The following CLSTN2 variants were observed in gnomAD, a reference collection of about 807,000 sequenced individuals.
The protein encoded by CLSTN2 is calsyntenin-2.
A neutral mutation model predicts 101.2 loss-of-function variants in CLSTN2; 48 were observed. The ratio of observed to expected loss-of-function variants is 0.47; its 90% CI spans 0.38 to 0.60. CLSTN2 has a LOEUF of 0.60. CLSTN2 is among the 20% of genes least tolerant of loss of function. CLSTN2 has a pLI of 0.00. For missense variants in CLSTN2, 1,160 were observed against 1,238.2 expected (o/e 0.94, Z 0.95); for synonymous variants, 481 against 463.6 (o/e 1.04, Z -0.48).
chr3:140,451,479 G>GC (rs1344914150), intron 6 of CLSTN2, among the ~76,000 whole-genome samples: 1 of 152,076 alleles, frequency 6.6e-6, no homozygotes, highest in Admixed American at 6.6e-5. Flanking sequence ...CCATGGCACT[G>GC]CCCCCCACAC....
At chr3:140,160,455 C>G (rs1002493413) in intron 1 of CLSTN2, among the ~76,000 whole-genome samples, 4 of 151,988 alleles carry the variant, frequency 2.6e-5, no homozygotes, top group Non-Finnish European at 5.9e-5. Context: ...TTTCACCACC[C>G]AAATGTTTCA....
intron 2 of CLSTN2, among the ~76,000 whole-genome samples, chr3:140,188,457 A>G (rs1365642875): frequency 6.6e-6 from 1 of 152,122 alleles, no homozygotes; most frequent in Non-Finnish European, 1.5e-5. Flanking sequence ...TGATGCTTAC[A>G]TTGCACCTTG....
chr3:140,400,630 T>C, intron 2 of CLSTN2, among the ~76,000 whole-genome samples: 1 of 152,090 alleles, frequency 6.6e-6, no homozygotes, highest in Non-Finnish European at 1.5e-5. Context: ...GCTCCGGAGT[T>C]TGAGGCTGCA....
intron 7 of CLSTN2, among the ~76,000 whole-genome samples, chr3:140,464,793 C>T (rs1418913229): frequency 6.6e-6 from 1 of 152,170 alleles, no homozygotes; most frequent in East Asian, 1.9e-4. Context: ...GTAAAATCCC[C>T]AGAAGCAGTC....
At chr3:140,011,208 G>A (rs2007066413) in intron 1 of CLSTN2, among the ~76,000 whole-genome samples, 1 of 152,206 alleles carries the variant, frequency 6.6e-6, no homozygotes, top group Non-Finnish European at 1.5e-5. Context: ...ATGTTTTCAG[G>A]AGTCTATAAT....
intron 2 of CLSTN2, among the ~76,000 whole-genome samples, chr3:140,212,434 G>A (rs1288774624): frequency 1.3e-5 from 2 of 152,156 alleles, no homozygotes; most frequent in African/African-American, 4.8e-5. Flanking sequence ...ATTACCAGTT[G>A]ATTCTGTTAT....
intron 2 of CLSTN2, among the ~76,000 whole-genome samples, chr3:140,240,117 C>T (rs1428870139): frequency 1.6e-5 from 2 of 128,352 alleles, no homozygotes; most frequent in Admixed American, 8.5e-5. Context: ...TAAAGCTATA[C>T]CTTAATTGCA....
intron 8 of CLSTN2, among the ~76,000 whole-genome samples, chr3:140,501,886 C>A (rs1456164930): frequency 6.6e-6 from 1 of 152,184 alleles, no homozygotes; most frequent in Non-Finnish European, 1.5e-5. Flanking sequence ...ACATTTCTAA[C>A]CAGCTCCCAA....
At chr3:140,543,149 T>C (rs1935518247) in intron 9 of CLSTN2, among the ~76,000 whole-genome samples, 1 of 152,116 alleles carries the variant, frequency 6.6e-6, no homozygotes, top group African/African-American at 2.4e-5. Context: ...ATGATAGTAG[T>C]TGTTGTTGGA....
chr3:139,974,112 CT>C (rs1935770416), intron 1 of CLSTN2, among the ~76,000 whole-genome samples: 1 of 152,158 alleles, frequency 6.6e-6, no homozygotes, highest in South Asian at 2.1e-4. Flanking sequence ...CTTTATTGTT[CT>C]TTTTCCAAGT....
intron 2 of CLSTN2, among the ~76,000 whole-genome samples, chr3:140,315,982 G>A (rs1357279863): frequency 6.6e-6 from 1 of 152,158 alleles, no homozygotes; most frequent in African/African-American, 2.4e-5. Context: ...CAGTCAGGAT[G>A]GACTTTCAGA....
intron 5 of CLSTN2, among the ~76,000 whole-genome samples, chr3:140,421,655 G>A (rs2088507540): frequency 6.6e-6 from 1 of 152,158 alleles, no homozygotes; most frequent in Non-Finnish European, 1.5e-5. Context: ...ATCAACACCT[G>A]GGGAAAGTCG....
At chr3:139,995,991 C>G (rs2006648111) in intron 1 of CLSTN2, among the ~76,000 whole-genome samples, 1 of 152,198 alleles carries the variant, frequency 6.6e-6, no homozygotes, top group African/African-American at 2.4e-5. Flanking sequence ...ACCTATAGCT[C>G]AAACTAAGCA....
intron 2 of CLSTN2, among the ~76,000 whole-genome samples, chr3:140,322,680 G>A (rs923811512): frequency 2.0e-5 from 3 of 152,186 alleles, no homozygotes; most frequent in Admixed American, 6.5e-5. Context: ...GAAAGAGAAG[G>A]CACTTTGTAT....
intron 2 of CLSTN2, among the ~76,000 whole-genome samples, chr3:140,268,166 C>T (rs1488829533): frequency 6.6e-6 from 1 of 152,062 alleles, no homozygotes. Flanking sequence ...CATAAGTGCA[C>T]AGATGACTCT....
chr3:140,072,739 C>T (rs2008417167), intron 1 of CLSTN2, among the ~76,000 whole-genome samples: 1 of 151,276 alleles, frequency 6.6e-6, no homozygotes, highest in Non-Finnish European at 1.5e-5. Context: ...CATGAAGCTA[C>T]TCGGTTTATT....
chr3:140,408,664 C>T (rs751835101), intron 4 of CLSTN2, among the ~76,000 whole-genome samples: 2 of 152,166 alleles, frequency 1.3e-5, no homozygotes, highest in Non-Finnish European at 2.9e-5. Flanking sequence ...TGAGTTACCA[C>T]CTCTCTTCTT....
chr3:140,141,044 C>T (rs2009690290), intron 1 of CLSTN2, among the ~76,000 whole-genome samples: 1 of 152,306 alleles, frequency 6.6e-6, no homozygotes, highest in African/African-American at 2.4e-5. Flanking sequence ...TGGAGTCAGT[C>T]AGGGTGGAGA....
rs2087338112 is a variant in CLSTN2 at position 140,326,998 on chromosome 3, A to T, written c.233-76631A>T. Among the ~76,000 whole-genome samples the T allele has an allele frequency of 2.0e-5, 3 of 152,346 alleles. No individual in the cohort carries two copies. The South Asian group carries it at 6.2e-4, about 32-fold the overall frequency. Reference sequence around the variant, plus strand: ...AACTGAAAAAAAGCAATCAAATAAGATTATCTATTACATAGAAAAAAATAA... The same window carrying T: ...AACTGAAAAAAAGCAATCAAATAAGTTTATCTATTACATAGAAAAAAATAA... On this transcript the variant is annotated intron_variant, in intron 2 of 16. Coordinates refer to ENST00000458420, the MANE Select transcript of CLSTN2 (RefSeq NM_022131.3).
Sources: gnomAD v4.1 joint callset for allele counts (sites outside exome capture counted in the v4.1 genomes callset) on GRCh38, gnomAD v4.1.1 for gene constraint, MANE v1.5 for transcripts, NCBI Gene and HGNC (gene_info 2026-07-23, HGNC 2026-07-21) for gene names.